Variants in WFDC1 observed in about 807,000 individuals in gnomAD.
The protein encoded by WFDC1 is WAP four-disulfide core domain protein 1.
A neutral mutation model predicts 32.9 loss-of-function variants in WFDC1; 39 were observed. That is an observed-to-expected ratio of 1.19 (90% confidence interval 0.92 to 1.55). The LOEUF is 1.55. Ranked by LOEUF, WFDC1 falls within the 40% of genes most tolerant of loss-of-function variation. WFDC1 has a pLI of 0.00. For synonymous variants in WFDC1, 184 were observed against 137.4 expected, an observed-to-expected ratio of 1.34 and a Z score of -2.37; for missense variants, 386 against 309.5, an observed-to-expected ratio of 1.25 and a Z score of -1.85.
chr16:84,304,894 G>T (rs1217944495), intron 1 of WFDC1, among the ~76,000 whole-genome samples: 3 of 152,208 alleles, frequency 2.0e-5, no homozygotes, highest in African/African-American at 7.2e-5. Context: ...GGAACACTTT[G>T]GGAGGGGGAG....
At chr16:84,312,042 C>G (rs619994) in intron 1 of WFDC1, among the ~76,000 whole-genome samples, 106,724 of 151,698 alleles carry the variant, frequency 0.7, 38,480 homozygotes, top group East Asian at 0.99. Context: ...GCACATGCCT[C>G]TAATCCCAGC....
chr16:84,326,215 C>CCCATCCAT (rs1228837125), intron 5 of WFDC1: 1 of 149,182 alleles, frequency 6.7e-6, no homozygotes, highest in African/African-American at 2.5e-5. Flanking sequence ...CACCCATTCA[C>CCCATCCAT]CCATCCATCC....
At chr16:84,312,858 G>A in intron 1 of WFDC1, 103 bp from the exon 2 acceptor site, 1 of 672,690 alleles carries the variant, frequency 1.5e-6, no homozygotes, top group Non-Finnish European at 1.9e-6. Context: ...GGAAACGCAG[G>A]CTCAGAGAGG....
intron 2 of WFDC1, among the ~76,000 whole-genome samples, chr16:84,315,324 G>A (rs7188212): frequency 0.25 from 38,281 of 152,062 alleles, 5,221 homozygotes; most frequent in Non-Finnish European, 0.31. Context: ...TCTCTGTAGC[G>A]TAATCTGGAA....
At chr16:84,310,335 C>T (rs1330035727) in intron 1 of WFDC1, among the ~76,000 whole-genome samples, 1 of 152,068 alleles carries the variant, frequency 6.6e-6, no homozygotes, top group Non-Finnish European at 1.5e-5. Context: ...GGGCATTCGG[C>T]AGAGGATCAG....
chr16:84,300,768 G>T (rs1010680357), intron 1 of WFDC1, among the ~76,000 whole-genome samples: 19 of 152,088 alleles, frequency 1.2e-4, no homozygotes, highest in African/African-American at 4.6e-4. Context: ...TCAGGAGTTC[G>T]AGACCAGCCT....
chr16:84,314,689 G>A (rs1048857812), intron 2 of WFDC1, among the ~76,000 whole-genome samples: 10 of 152,208 alleles, frequency 6.6e-5, no homozygotes, highest in Admixed American at 6.5e-4. Context: ...GGCAGGAACT[G>A]GCCGCTGCTC....
chr16:84,308,621 G>A, intron 1 of WFDC1, among the ~76,000 whole-genome samples: 1 of 152,296 alleles, frequency 6.6e-6, no homozygotes, highest in Admixed American at 6.5e-5. Context: ...CTAGATGCCA[G>A]CCTGAGTGTA....
intron 4 of WFDC1, among the ~76,000 whole-genome samples, chr16:84,320,898 C>G (rs1166380009): frequency 6.6e-6 from 1 of 151,868 alleles, no homozygotes; most frequent in Non-Finnish European, 1.5e-5. Flanking sequence ...ATGTTTTTCT[C>G]TGAAGTGTTT....
intron 1 of WFDC1, among the ~76,000 whole-genome samples, chr16:84,296,427 C>A (rs547440716): frequency 2.0e-5 from 3 of 152,088 alleles, no homozygotes; most frequent in Non-Finnish European, 2.9e-5. Context: ...AGTGGTAGCA[C>A]GGGATGCGTG....
chr16:84,308,615 A>C (rs1489282528), intron 1 of WFDC1, among the ~76,000 whole-genome samples: 1 of 152,228 alleles, frequency 6.6e-6, no homozygotes, highest in African/African-American at 2.4e-5. Flanking sequence ...ACTGTGCTAG[A>C]TGCCAGCCTG....
intron 5 of WFDC1, chr16:84,325,655 C>A (rs1268937123): frequency 2.0e-5 from 3 of 152,024 alleles, no homozygotes; most frequent in African/African-American, 7.3e-5. Context: ...TTCATCCATC[C>A]ATTTTTTCAA....
chr16:84,313,256 T>G, intron 2 of WFDC1, 103 bp downstream of exon 2: 4 of 1,172,472 alleles, frequency 3.4e-6, no homozygotes, highest in Non-Finnish European at 4.3e-6. Flanking sequence ...CTGGGCCACC[T>G]GGGCGGGTCT....
chr16:84,321,133 C>T (rs1908280975), intron 4 of WFDC1, among the ~76,000 whole-genome samples: 1 of 152,234 alleles, frequency 6.6e-6, no homozygotes, highest in African/African-American at 2.4e-5. Context: ...GCTGCCACAG[C>T]TACTCAGCCC....
chr16:84,307,344 A>G (rs932314217), intron 1 of WFDC1, among the ~76,000 whole-genome samples: 6 of 152,146 alleles, frequency 3.9e-5, no homozygotes, highest in Admixed American at 3.9e-4. Flanking sequence ...GACATGAAAT[A>G]TTTTTCAAAA....
At chr16:84,315,913 G>C (rs1415220488) in intron 2 of WFDC1, 3 of 152,264 alleles carry the variant, frequency 2.0e-5, no homozygotes, top group African/African-American at 4.8e-5. Flanking sequence ...GGTAGTTCCA[G>C]TGAGGTCATG....
chr16:84,318,210 C>T, intron 2 of WFDC1, 62 bp from the exon 3 acceptor site: 4 of 1,564,300 alleles, frequency 2.6e-6, no homozygotes, highest in South Asian at 1.1e-5. Context: ...CCCCCAGCCC[C>T]CAAGCCTGGG....
At chr16:84,300,796 C>G (rs562662536) in intron 1 of WFDC1, among the ~76,000 whole-genome samples, 59 of 152,190 alleles carry the variant, frequency 3.9e-4, no homozygotes, top group Middle Eastern at 3.4e-3. Context: ...ATGCTGAAAC[C>G]CTGTCTCTAC....
chr16:84,298,688 C>T (rs1224107790), intron 1 of WFDC1, among the ~76,000 whole-genome samples: 1 of 152,204 alleles, frequency 6.6e-6, no homozygotes, highest in Non-Finnish European at 1.5e-5. Flanking sequence ...CTCAAAGCCT[C>T]GTCCCCCGGC....
Sources: gnomAD v4.1 joint callset for allele counts (sites outside exome capture counted in the v4.1 genomes callset) on GRCh38, gnomAD v4.1.1 for gene constraint, MANE v1.5 for transcripts, NCBI Gene and HGNC (gene_info 2026-07-23, HGNC 2026-07-21) for gene names.